The following CCSER1 variants were observed in gnomAD, a reference collection of about 807,000 sequenced individuals.
CCSER1 encodes the protein coiled-coil serine rich protein 1, also known as serine-rich coiled-coil domain-containing protein 1.
CCSER1 carries 41 observed loss-of-function variants against 82.0 expected under a neutral mutation model. The observed-to-expected ratio is 0.50, with a 90% CI of 0.39 to 0.65. CCSER1 has a LOEUF of 0.65. Ranked by LOEUF, CCSER1 falls within the 30% of genes least tolerant of loss-of-function variation. The pLI is 0.00. For synonymous variants in CCSER1, 414 were observed against 383.9 expected (o/e 1.08, Z -0.92); for missense variants, 1,119 against 1,064.2 (o/e 1.05, Z -0.72).
intron 1 of CCSER1, among the ~76,000 whole-genome samples, chr4:90,244,242 CAAGT>C (rs1368448972): frequency 2.6e-5 from 4 of 152,102 alleles, no homozygotes; most frequent in Non-Finnish European, 5.9e-5. Flanking sequence ...CTAAATGTAA[CAAGT>C]AAGATGCTTA....
intron 1 of CCSER1, among the ~76,000 whole-genome samples, chr4:90,165,149 A>G (rs553366644): frequency 6.6e-6 from 1 of 152,018 alleles, no homozygotes; most frequent in East Asian, 1.9e-4. Flanking sequence ...CTTATGCTTC[A>G]TTAGTTGATA....
intron 9 of CCSER1, among the ~76,000 whole-genome samples, chr4:90,985,082 C>T (rs182718042): frequency 2.3e-3 from 350 of 151,836 alleles, no homozygotes; most frequent in African/African-American, 7.2e-3. Context: ...CTTTCAACCT[C>T]TCTCTGTCGT....
rs546027830 is a variant in CCSER1, at chr4:90,164,438, A to C, written c.-42+36607A>C. 8.1e-4 allele frequency among the ~76,000 whole-genome samples: 124 copies of C among 152,258 alleles called. 2 individuals are homozygous for C. The highest frequency in any genetic ancestry group is 1.4e-3 in the Admixed American group (22 of 15,258). ...ATTTTTTCTTTAACTGCTGTTGGAC[A>C]AAAAAGAATCTGTACTTGTGTTGCT... is the stretch of plus-strand genomic sequence containing the variant. On this transcript the variant is annotated intron_variant, in intron 1 of 10. Transcript: ENST00000509176.
intron 10 of CCSER1, among the ~76,000 whole-genome samples, chr4:91,563,282 C>T (rs1762738630): frequency 6.6e-6 from 1 of 151,618 alleles, no homozygotes. Flanking sequence ...CAACAATATA[C>T]TAGGTAACTG....
intron 1 of CCSER1, among the ~76,000 whole-genome samples, chr4:90,179,743 C>T (rs899824252): frequency 1.3e-5 from 2 of 151,984 alleles, no homozygotes; most frequent in Admixed American, 6.6e-5. Context: ...CTTGTTTTTA[C>T]ACAATCTGAT....
chr4:91,027,418 T>A lies in CCSER1; in HGVS notation c.2173-58532T>A, dbSNP rs553787920. Among the ~76,000 whole-genome samples the A allele has an allele frequency of 5.4e-4, 82 of 152,066 alleles. 2 individuals carry two copies. The South Asian group carries it at 0.017, about 31-fold the overall frequency. On this transcript the variant is annotated intron_variant, in intron 9 of 10. Coordinates refer to ENST00000509176, the MANE Select transcript of CCSER1 (RefSeq NM_001145065.2). ...AATTGCAATTATTTTCAAGATATCA[T>A]AACAGGTCGTGCATATGCAGAATAA...
At chr4:91,251,798 A>T (rs1368864334) in intron 10 of CCSER1, among the ~76,000 whole-genome samples, 1 of 152,204 alleles carries the variant, frequency 6.6e-6, no homozygotes, top group Non-Finnish European at 1.5e-5. Context: ...AATATGTTAA[A>T]CATAATGGTC....
intron 6 of CCSER1, among the ~76,000 whole-genome samples, chr4:90,643,920 T>A (rs1727028940): frequency 6.6e-6 from 1 of 152,192 alleles, no homozygotes; most frequent in African/African-American, 2.4e-5. Context: ...AAAAGTTTTT[T>A]TTAATTTTAG....
chr4:90,748,461 A>C (rs1385486035), intron 7 of CCSER1, among the ~76,000 whole-genome samples: 2 of 149,418 alleles, frequency 1.3e-5, no homozygotes, highest in Non-Finnish European at 3.0e-5. Context: ...GTTGGTTCCA[A>C]GTCTTTGCTA....
chr4:90,780,576 G>T, intron 7 of CCSER1: 2 of 1,518,900 alleles, frequency 1.3e-6, no homozygotes, highest in Non-Finnish European at 1.8e-6. Flanking sequence ...TTTCCATCCA[G>T]TTCTCTAGTC....
intron 1 of CCSER1, among the ~76,000 whole-genome samples, chr4:90,133,849 A>G (rs968485542): frequency 5.9e-5 from 9 of 152,230 alleles, no homozygotes; most frequent in African/African-American, 2.2e-4. Flanking sequence ...TGTCCAGCAC[A>G]TAGTAGACGC....
intron 10 of CCSER1, among the ~76,000 whole-genome samples, chr4:91,205,070 T>G (rs1451971019): frequency 6.6e-6 from 1 of 151,764 alleles, no homozygotes; most frequent in East Asian, 1.9e-4. Flanking sequence ...TGTTTCAAAA[T>G]TAACTGTGAT....
intron 10 of CCSER1, among the ~76,000 whole-genome samples, chr4:91,311,438 T>G (rs932391836): frequency 6.6e-6 from 1 of 151,944 alleles, no homozygotes; most frequent in Non-Finnish European, 1.5e-5. Context: ...TAGATTTTTT[T>G]CCTAATAGTA....
chr4:90,511,249 C>G (rs892570800), intron 5 of CCSER1, among the ~76,000 whole-genome samples: 21 of 152,184 alleles, frequency 1.4e-4, no homozygotes, highest in Non-Finnish European at 2.9e-4. Flanking sequence ...GAAACCCCGT[C>G]TCTACTAAAA....
chr4:91,183,030 C>G (rs767777888), intron 10 of CCSER1, among the ~76,000 whole-genome samples: 1 of 152,218 alleles, frequency 6.6e-6, no homozygotes, highest in Non-Finnish European at 1.5e-5. Flanking sequence ...GCATTAGCAA[C>G]TAGGTGGTCA....
chr4:91,162,871 C>CA (rs1364861084), intron 10 of CCSER1, among the ~76,000 whole-genome samples: 1 of 151,896 alleles, frequency 6.6e-6, no homozygotes, highest in African/African-American at 2.4e-5. Flanking sequence ...TTGATCTTTT[C>CA]AAAAAACCAG....
At chr4:90,240,740 G>A (rs139951400) in intron 1 of CCSER1, among the ~76,000 whole-genome samples, 7 of 152,296 alleles carry the variant, frequency 4.6e-5, no homozygotes, top group East Asian at 1.9e-4. Flanking sequence ...TCTAAATGCC[G>A]TAAGAATGTC....
intron 4 of CCSER1, among the ~76,000 whole-genome samples, chr4:90,401,965 T>C (rs545887517): frequency 1.3e-5 from 2 of 152,356 alleles, no homozygotes; most frequent in East Asian, 1.9e-4. Flanking sequence ...CCCCTCTTGA[T>C]GCAATGCTGA....
At chr4:90,488,029 G>A (rs1032520817) in intron 5 of CCSER1, among the ~76,000 whole-genome samples, 2 of 152,136 alleles carry the variant, frequency 1.3e-5, no homozygotes, top group African/African-American at 4.8e-5. Flanking sequence ...AGTCTTGAAT[G>A]TTCAGAATAG....
Sources: gnomAD v4.1 joint callset for allele counts (sites outside exome capture counted in the v4.1 genomes callset) on GRCh38, gnomAD v4.1.1 for gene constraint, MANE v1.5 for transcripts, NCBI Gene and HGNC (gene_info 2026-07-23, HGNC 2026-07-21) for gene names.